The following TAGAP variants were observed in gnomAD, a reference collection of about 807,000 sequenced individuals.
TAGAP encodes T-cell activation Rho GTPase-activating protein.
TAGAP carries 16 observed loss-of-function variants against 36.0 expected under a neutral mutation model. The observed-to-expected ratio is 0.44, with a 90% CI of 0.30 to 0.68. TAGAP has a LOEUF of 0.68. TAGAP is among the 30% of genes least tolerant of loss of function. The pLI is 0.09. For synonymous variants in TAGAP, 372 were observed against 377.4 expected (o/e 0.99, Z 0.17); for missense variants, 794 against 921.5 (o/e 0.86, Z 1.79).
chr6:159,042,746 A>G (rs1393930362), intron 4 of TAGAP: 2 of 154,184 alleles, frequency 1.3e-5, no homozygotes, highest in African/African-American at 4.8e-5. Context: ...CTTTGCAGCC[A>G]CGCAGGCACT....
In TAGAP at chr6:159,039,138, T is replaced by C. The variant is rs1385939652; in HGVS notation, c.759A>G (p.Glu253=). ...TLENDQSLSF[E]AQKDLNNKVK... is the part of the protein sequence containing the mutation. ...CCTTGTTGTTCAGGTCCTTCTGGGC[T>C]TCAAATGACAGGCTCTGGTCATTCT... Residue 253 remains glutamate, a synonymous_variant, in exon 8 of 10, where the codon GAA becomes GAG. Coordinates refer to ENST00000367066, the MANE Select transcript of TAGAP (RefSeq NM_054114.5). The C allele has an allele frequency of 6.2e-7, 1 of 1,614,212 alleles. No individual in the cohort carries two copies. The highest frequency in any genetic ancestry group is 8.5e-7 in the Non-Finnish European group (1 of 1,180,034).
chr6:159,036,255 G>T lies in TAGAP; in HGVS notation c.1768C>A (p.Pro590Thr). ...TCTTCATAAGAGGGTGGGCTTCCAG[G>T]CCTCTCCCAGTCAGCTCCCTGGAAC... ...DVFQGADWERPGSPPSYEEAM... is the reference protein window; with the variant it reads ...DVFQGADWERTGSPPSYEEAM... The change falls in exon 10 of 10, where the codon CCT becomes ACT. Residue 590 changes from proline to threonine, a missense_variant. Physicochemically the swap from Pro to Thr is conservative, Grantham distance 38. Transcript: ENST00000367066. This position sits in a 1 kb window ranked among gnomAD's most constrained non-coding sequence, Gnocchi z 4.9. 6.2e-7 allele frequency: 1 copy of T among 1,612,480 alleles called. No homozygotes were observed.
At position 159,041,551 on chromosome 6, in the gene TAGAP, C is replaced by G. The variant is rs749453339; in HGVS notation, c.316-36G>C. ...CAGCAATAGGAACAGGAAAGGGTTA[C>G]CCTTCTTCTTTAGTATACTGAGATA... is the stretch of plus-strand genomic sequence containing the variant. On this transcript the variant is annotated intron_variant, in intron 5 of 9. Coordinates refer to ENST00000367066, the MANE Select transcript of TAGAP (RefSeq NM_054114.5). The surrounding 1 kb of genome is among the most constrained non-coding windows in gnomAD (Gnocchi z 4.1). The G allele has an allele frequency of 4.4e-6, 7 of 1,596,986 alleles. No homozygotes were observed. The highest frequency in any genetic ancestry group is 6.0e-6 in the Non-Finnish European group (7 of 1,171,982).
Position 159,044,861 on chromosome 6 carries a change from A to C in TAGAP, c.-59+18T>G, listed in dbSNP as rs1219048743. The C allele has an allele frequency of 1.8e-5, 7 of 398,428 alleles. No individual in the cohort carries two copies. The highest frequency in any genetic ancestry group is 3.1e-5 in the Non-Finnish European group (7 of 225,968). The allele number at this position is 398,428 out of a possible 1,614,324, so 24.7% of individuals were successfully genotyped here. A position where few individuals can be genotyped will look rare whatever the true frequency, so the allele number is the denominator to read the frequency against. On this transcript the variant is annotated intron_variant, in intron 1 of 9. Coordinates refer to ENST00000367066, the MANE Select transcript of TAGAP (RefSeq NM_054114.5). ...GCAGCTTGTAATTTCTAGGCATGTTAATATATAGTGTACTTACCCTTGGAG... is the reference window on the plus strand; with the variant it reads ...GCAGCTTGTAATTTCTAGGCATGTTCATATATAGTGTACTTACCCTTGGAG...
In TAGAP at chr6:159,042,075, T is replaced by C; in HGVS notation, c.315+3A>G. The C allele has an allele frequency of 1.2e-6, 2 of 1,609,292 alleles. No individual in the cohort carries two copies. The highest frequency in any genetic ancestry group is 4.5e-5 in the East Asian group (2 of 44,866). ...GTAGGTTTATGAGAGAATGCACGCC[T>C]ACCTGGATGGGTCTGGGGAGTGTGT... On this transcript the variant is annotated splice_donor_region_variant and intron_variant, in intron 5 of 9. Transcript: ENST00000367066.
In TAGAP at chr6:159,041,285, C is replaced by T; in HGVS notation, c.477+69G>A. 3 of 1,571,544 alleles carry T rather than the reference C, an allele frequency of 1.9e-6. No individual in the cohort carries two copies. In the South Asian group the frequency reaches 3.5e-5, roughly 18 times the overall value. On this transcript the variant is annotated intron_variant, in intron 6 of 9. Transcript: ENST00000367066. The surrounding 1 kb of genome is among the most constrained non-coding windows in gnomAD (Gnocchi z 4.1). ...GCTGTGTGGGGAGAAGAGCCTATTT[C>T]TTGCATCCTGAGAATGAGTGTGTCA...
rs573642860 is a variant in TAGAP, at chr6:159,035,005, A to C, written c.*822T>G. 1 of 152,506 alleles carries C rather than the reference A, an allele frequency of 6.6e-6. No homozygotes were observed. The highest frequency in any genetic ancestry group is 1.9e-4 in the East Asian group (1 of 5,328). The allele number at this position is 152,506 out of a possible 1,614,324, so 9.4% of individuals were successfully genotyped here. On this transcript the variant is annotated 3_prime_UTR_variant, in exon 10 of 10. Coordinates refer to ENST00000367066, the MANE Select transcript of TAGAP (RefSeq NM_054114.5). ...AAAAAAAGAACATTTTTACTTTCAA[A>C]TAAGGAAGGCAATTTATTGTAGTGA...
rs1297307335 is a variant in TAGAP, at chr6:159,035,883, T to C, written c.2140A>G (p.Ser714Gly). The change falls in exon 10 of 10, where the codon AGC (serine) becomes GGC (glycine). Residue 714 changes from serine (S) to glycine (G), a missense_variant. Transcript: ENST00000367066. ...NKRDCLVRRCSQPVFEADQFQ... is the reference protein window; with the variant it reads ...NKRDCLVRRCGQPVFEADQFQ... ...TGGTCAGCCTCAAAGACCGGCTGGC[T>C]ACATCGTCGCACGAGACAGTCCCGC... The C allele has an allele frequency of 6.2e-7, 1 of 1,611,558 alleles. No homozygotes were observed. Among genetic ancestry groups the C allele is most frequent in the Non-Finnish European group, 8.5e-7 (1 of 1,177,814 alleles).
chr6:159,038,945 G>A (rs997484310), intron 8 of TAGAP, 169 bp downstream of exon 8: 1 of 1,454,148 alleles, frequency 6.9e-7, no homozygotes, highest in Non-Finnish European at 9.1e-7. Context: ...AGTTTCATTA[G>A]ATACATGTAT....
In TAGAP at chr6:159,035,956, A is replaced by G; in HGVS notation, c.2067T>C (p.Pro689=). 1 of 1,614,166 alleles carries G rather than the reference A, an allele frequency of 6.2e-7. No individual in the cohort carries two copies. The highest frequency in any genetic ancestry group is 8.5e-7 in the Non-Finnish European group (1 of 1,180,004). Residue 689 remains proline (P), a synonymous_variant, in exon 10 of 10, where the codon CCT becomes CCC. Coordinates refer to ENST00000367066, the MANE Select transcript of TAGAP (RefSeq NM_054114.5). ...SLGHVSGPGR[P]ELLPLRTVSE... ...AGACGGTCCTCAGCGGGAGGAGCTC[A>G]GGTCTCCCTGGGCCAGACACGTGCC...
At position 159,042,070 on chromosome 6, in the gene TAGAP, A is replaced by G. The variant is rs745713373; in HGVS notation, c.315+8T>C. ...CTGAAGTAGGTTTATGAGAGAATGC[A>G]CGCCTACCTGGATGGGTCTGGGGAG... On this transcript the variant is annotated splice_region_variant and intron_variant, in intron 5 of 9. Transcript: ENST00000367066. 1 of 1,605,546 alleles carries G rather than the reference A, an allele frequency of 6.2e-7. No homozygotes were observed. Among genetic ancestry groups the G allele is most frequent in the Non-Finnish European group, 8.5e-7 (1 of 1,177,140 alleles).
chr6:159,035,889 G>C lies in TAGAP; in HGVS notation c.2134C>G (p.Arg712Gly), dbSNP rs941713504. Residue 712 changes from arginine to glycine, a missense_variant, in exon 10 of 10, where the codon CGA (arginine) becomes GGA (glycine). Arg to Gly is a moderately radical substitution (Grantham distance 125). Coordinates refer to ENST00000367066, the MANE Select transcript of TAGAP (RefSeq NM_054114.5). ...GCCTCAAAGACCGGCTGGCTACATC[G>C]TCGCACGAGACAGTCCCGCTTATTC... ...QRNKRDCLVR[R>G]CSQPVFEADQ... 6.8e-6 allele frequency: 11 copies of C among 1,612,086 alleles called. No homozygotes were observed. The highest frequency in any genetic ancestry group is 2.5e-6 in the Non-Finnish European group (3 of 1,178,390).
In TAGAP at chr6:159,040,745, C is replaced by T; in HGVS notation, c.565G>A (p.Asp189Asn). The change falls in exon 7 of 10, where the codon GAC (aspartate) becomes AAC (asparagine). Residue 189 changes from aspartate to asparagine, a missense_variant. Physicochemically the swap from Asp to Asn is conservative, Grantham distance 23. Transcript: ENST00000367066. ...TACTGTTTCAGGGCCTCGATTCTGT[C>T]CTCCTCGTCCTGCATCTCCAGAGCA... Reference protein sequence around the residue: ...MGALEMQDEEDRIEALKQVAD... With the variant: ...MGALEMQDEENRIEALKQVAD... 2 of 1,614,120 alleles carry T rather than the reference C, an allele frequency of 1.2e-6. No homozygotes were observed. Among genetic ancestry groups the T allele is most frequent in the Non-Finnish European group, 1.7e-6 (2 of 1,180,008 alleles).
At position 159,043,787 on chromosome 6, in the gene TAGAP, G is replaced by C. The variant is rs1191764859; in HGVS notation, c.82-132C>G. ...GTAGAGTGCATTGATGTTTTTTCTA[G>C]CTTCTAGAAGCAATATTAAGGTCTT... On this transcript the variant is annotated intron_variant, in intron 3 of 9. Transcript: ENST00000367066. 22 of 1,048,368 alleles carry C rather than the reference G, an allele frequency of 2.1e-5. 1 individual carries two copies. Among genetic ancestry groups the C allele is most frequent in the Non-Finnish European group, 3.2e-5 (22 of 697,944 alleles). 64.9% of individuals were successfully genotyped at this position (1,048,368 alleles called of 1,614,324 possible).
chr6:159,044,837 C>A (rs1026200383), intron 1 of TAGAP, 42 bp downstream of exon 1: 2 of 397,960 alleles, frequency 5.0e-6, no homozygotes, highest in African/African-American at 2.1e-5. Flanking sequence ...ACTTGCGAGG[C>A]AGCTTGTAAT....
chr6:159,038,228 C>A lies in TAGAP; in HGVS notation c.784G>T (p.Val262Leu). The change falls in exon 9 of 10, where the codon GTG (valine) becomes TTG (leucine). Residue 262 changes from valine (V) to leucine (L), a missense_variant and splice_region_variant. Transcript: ENST00000367066. ...FEAQKDLNNK[V>L]KTLVEFLIDN... Reference sequence around the variant, plus strand: ...ATGAGGAATTCCACCAGTGTCTTCACCTGTGAGGAAAAGTAAGCAATTTGT... The same window carrying A: ...ATGAGGAATTCCACCAGTGTCTTCAACTGTGAGGAAAAGTAAGCAATTTGT... 2 of 1,533,378 alleles carry A rather than the reference C, an allele frequency of 1.3e-6. No homozygotes were observed. The highest frequency in any genetic ancestry group is 9.0e-7 in the Non-Finnish European group (1 of 1,112,490). 95.0% of individuals were successfully genotyped at this position (1,533,378 alleles called of 1,614,324 possible).
intron 3 of TAGAP, 113 bp from the exon 4 acceptor site, chr6:159,043,768 T>G (rs1298363225): frequency 8.7e-7 from 1 of 1,147,764 alleles, no homozygotes; most frequent in Non-Finnish European, 1.3e-6. Flanking sequence ...GTCAGTAGAG[T>G]GCATTGATGT....
intron 8 of TAGAP, 37 bp from the exon 9 acceptor site, chr6:159,038,265 CTTTTTTTTTTTTTT>C (rs559846736): frequency 1.3e-5 from 6 of 458,510 alleles, no homozygotes; most frequent in East Asian, 3.7e-5. Context: ...AGCTTGAAGA[CTTTTTTTTTTTTTT>C]TTTTTTTTTG....
chr6:159,036,550 G>A lies in TAGAP; in HGVS notation c.1473C>T (p.Phe491=). ...KRNFFSRHQS[F]TTKTEKGKPS... ...GCTTGCCTTTCTCTGTCTTTGTGGTGAAAGACTGATGTCTGCTGAAGAAAT... is the reference window on the plus strand; with the variant it reads ...GCTTGCCTTTCTCTGTCTTTGTGGTAAAAGACTGATGTCTGCTGAAGAAAT... Residue 491 remains phenylalanine, a synonymous_variant, in exon 10 of 10, where the codon TTC becomes TTT. Transcript: ENST00000367066. This position sits in a 1 kb window ranked among gnomAD's most constrained non-coding sequence, Gnocchi z 4.9. 6.2e-7 allele frequency: 1 copy of A among 1,614,160 alleles called. No homozygotes were observed. The highest frequency in any genetic ancestry group is 8.5e-7 in the Non-Finnish European group (1 of 1,180,018).
Sources: allele counts gnomAD v4.1 joint callset, GRCh38; gene constraint gnomAD v4.1.1; non-coding constraint Gnocchi (gnomAD v3.1); transcripts MANE v1.5; gene names NCBI Gene and HGNC (gene_info 2026-07-23, HGNC 2026-07-21).